Variants in BMPR1A observed in about 807,000 individuals in gnomAD.
The protein encoded by BMPR1A is bone morphogenetic protein receptor type 1A, also known as bone morphogenetic protein receptor type-1A.
BMPR1A carries 7 observed loss-of-function variants against 66.0 expected under a neutral mutation model. That is an observed-to-expected ratio of 0.11 (90% confidence interval 0.06 to 0.20). The LOEUF is 0.20. BMPR1A is among the 10% of genes least tolerant of loss of function. BMPR1A has a pLI of 1.00. For missense variants in BMPR1A, 408 were observed against 669.1 expected (o/e 0.61, Z 4.31); for synonymous variants, 200 against 229.7 (o/e 0.87, Z 1.17).
intron 1 of BMPR1A, among the ~76,000 whole-genome samples, chr10:86,801,777 A>T (rs763364097): frequency 6.6e-6 from 1 of 151,844 alleles, no homozygotes; most frequent in African/African-American, 2.4e-5. Context: ...GCAGTGGCGC[A>T]TGTTGGCTCA....
In BMPR1A at chr10:86,892,675, C is replaced by T. The variant is rs7072428; in HGVS notation, c.333+446C>T. 7.5e-3 allele frequency among the ~76,000 whole-genome samples: 1,133 copies of T among 152,034 alleles called. 12 individuals carry two copies. The highest frequency in any genetic ancestry group is 0.026 in the African/African-American group (1,072 of 41,458). ...AACTCCTGGGCTCAAGCAGTCTGCC[C>T]GCATCGGCCCGCAAAGTGCTGGGAT... On this transcript the variant is annotated intron_variant, in intron 5 of 12. Transcript: ENST00000372037.
At chr10:86,762,277 A>G (rs1212097571) in intron 1 of BMPR1A, among the ~76,000 whole-genome samples, 2 of 152,246 alleles carry the variant, frequency 1.3e-5, no homozygotes, top group Non-Finnish European at 2.9e-5. Flanking sequence ...TATAGGTTAT[A>G]GAATTACAGG....
rs76709753 is a variant in BMPR1A, at chr10:86,911,815, A to G, written c.531-425A>G. Among the ~76,000 whole-genome samples, 578 of 152,292 alleles carry G rather than the reference A, an allele frequency of 3.8e-3. 25 individuals are homozygous for G. The East Asian group carries it at 0.092, about 24-fold the overall frequency. ...CAGAAAAAAAAAAGCTGAACTGTGG[A>G]AAAAAATTCAATTTTGCTAGTAACC... On this transcript the variant is annotated intron_variant, in intron 7 of 12. Transcript: ENST00000372037.
chr10:86,790,113 GCC>G, intron 1 of BMPR1A, among the ~76,000 whole-genome samples: 1 of 68,890 alleles, frequency 1.5e-5, no homozygotes, highest in African/African-American at 3.5e-5. Flanking sequence ...CCGAGATCTT[GCC>G]ACTGCCACTG....
At chr10:86,929,605 G>A (rs372262059), downstream of BMPR1A, 10 of 152,158 alleles carry the variant, frequency 6.6e-5, no homozygotes, top group African/African-American at 2.2e-4. Flanking sequence ...GATTCCTCAC[G>A]GGAGTCTCTG....
chr10:86,790,843 CT>C (rs1326737219), intron 1 of BMPR1A, among the ~76,000 whole-genome samples: 1 of 152,134 alleles, frequency 6.6e-6, no homozygotes, highest in South Asian at 2.1e-4. Flanking sequence ...GAACTGCACA[CT>C]TTAAAAGAGT....
chr10:86,820,759 A>G (rs936853133), intron 1 of BMPR1A, among the ~76,000 whole-genome samples: 1 of 152,178 alleles, frequency 6.6e-6, no homozygotes, highest in Non-Finnish European at 1.5e-5. Flanking sequence ...CTTACTGGCC[A>G]CTGCCTGGTT....
In BMPR1A at chr10:86,925,970, A is replaced by G. The variant is rs112407896; in HGVS notation, c.*2251A>G. On this transcript the variant is annotated 3_prime_UTR_variant, in exon 13 of 13. Transcript: ENST00000372037. The stretch of plus-strand genomic sequence containing the variant: ...TCTCAATCTCCTGACCTCATGATCC[A>G]CCTGCCTCGGCCTCCCAAAGTTCAT... The G allele has an allele frequency of 4.7e-5, 8 of 169,430 alleles. No individual in the cohort carries two copies. The highest frequency in any genetic ancestry group is 1.2e-4 in the African/African-American group (5 of 41,958). The allele number at this position is 169,430 out of a possible 1,614,324, so 10.5% of individuals were successfully genotyped here.
chr10:86,898,692 A>G (rs1388314272), intron 5 of BMPR1A, among the ~76,000 whole-genome samples: 1 of 152,140 alleles, frequency 6.6e-6, no homozygotes, highest in Non-Finnish European at 1.5e-5. Context: ...TTTTCTTTGC[A>G]CTTTTCTCTT....
In BMPR1A at chr10:86,866,399, CTTTTTTTTTT is replaced by C. The variant is rs1048293127; in HGVS notation, c.-152-9450_-152-9441del. On this transcript the variant is annotated intron_variant, in intron 2 of 12. Transcript: ENST00000372037. ...TGTGTTAAGTTGGGCAAGTTTCTTTCTTTTTTTTTTTTTTTTTTTTTTTTTTTGAGATGGA... is the reference window on the plus strand; with the variant it reads ...TGTGTTAAGTTGGGCAAGTTTCTTTCTTTTTTTTTTTTTTTTTGAGATGGA... Among the ~76,000 whole-genome samples the C allele has an allele frequency of 1.4e-4, 10 of 69,476 alleles. 1 individual carries two copies. The highest frequency in any genetic ancestry group is 5.4e-4 in the South Asian group (1 of 1,844). 45.6% of individuals were successfully genotyped at this position (69,476 alleles called of 152,430 possible).
At chr10:86,779,905 C>CTTTGTT (rs1337937784) in intron 1 of BMPR1A, among the ~76,000 whole-genome samples, 2 of 151,978 alleles carry the variant, frequency 1.3e-5, no homozygotes, top group Non-Finnish European at 2.9e-5. Context: ...CTCTGCCCTT[C>CTTTGTT]TTTGTTTTTG....
chr10:86,888,921 G>T (rs1697688756), intron 3 of BMPR1A, among the ~76,000 whole-genome samples: 1 of 151,444 alleles, frequency 6.6e-6, no homozygotes, highest in Non-Finnish European at 1.5e-5. Flanking sequence ...ACCTGTGTGT[G>T]CATATGTGAT....
rs77064035 is a variant in BMPR1A at position 86,899,691 on chromosome 10, C to T, written c.334-103C>T. 2.6e-3 allele frequency: 3,101 copies of T among 1,189,628 alleles called. 69 individuals are homozygous for T. The African/African-American group carries it at 0.043, about 16-fold the overall frequency. 73.7% of individuals were successfully genotyped at this position (1,189,628 alleles called of 1,614,324 possible). A position where few individuals can be genotyped will look rare whatever the true frequency, so the allele number is the denominator to read the frequency against. On this transcript the variant is annotated intron_variant, in intron 5 of 12. Coordinates refer to ENST00000372037, the MANE Select transcript of BMPR1A (RefSeq NM_004329.3). ...TTTTTACATATAAAATTTGCAGGCC[C>T]CTTTCACTCACTGAAATAGAAATTG...
At chr10:86,831,042 A>G (rs898152426) in intron 1 of BMPR1A, among the ~76,000 whole-genome samples, 1 of 152,158 alleles carries the variant, frequency 6.6e-6, no homozygotes, top group Non-Finnish European at 1.5e-5. Flanking sequence ...TGTATCATGA[A>G]CCAGTTCTTT....
At chr10:86,880,395 A>G (rs1273972531) in intron 3 of BMPR1A, among the ~76,000 whole-genome samples, 1 of 152,168 alleles carries the variant, frequency 6.6e-6, no homozygotes, top group Non-Finnish European at 1.5e-5. Flanking sequence ...TGTAGCACTT[A>G]CCTATGAATA....
intron 2 of BMPR1A, among the ~76,000 whole-genome samples, chr10:86,848,077 G>A (rs766748212): frequency 1.3e-5 from 2 of 151,766 alleles, no homozygotes; most frequent in Non-Finnish European, 2.9e-5. Context: ...GACTACAGGC[G>A]CCTGCCACCA....
intron 1 of BMPR1A, among the ~76,000 whole-genome samples, chr10:86,821,499 T>A (rs1394028285): frequency 5.3e-5 from 8 of 152,232 alleles, no homozygotes; most frequent in East Asian, 1.9e-4. Flanking sequence ...AAATGTGGAT[T>A]TTTATTAGTA....
intron 3 of BMPR1A, among the ~76,000 whole-genome samples, chr10:86,879,640 A>G (rs965263937): frequency 1.3e-5 from 2 of 152,174 alleles, no homozygotes; most frequent in East Asian, 1.9e-4. Context: ...TTCCTTTTCA[A>G]AGGGTTCTAT....
rs1843763974 is a variant in BMPR1A at position 86,927,773 on chromosome 10, G to A, written c.*4054G>A. ...ACTGTACATAGGCATTGAAAGAAGG[G>A]TAAAAGCAAGCAGTTTTATCAGGCA... is the stretch of plus-strand genomic sequence containing the variant. On this transcript the variant is annotated 3_prime_UTR_variant, in exon 13 of 13. Coordinates refer to ENST00000372037, the MANE Select transcript of BMPR1A (RefSeq NM_004329.3). 1 of 198,498 alleles carries A rather than the reference G, an allele frequency of 5.0e-6. No individual in the cohort carries two copies. Among genetic ancestry groups the A allele is most frequent in the South Asian group, 1.9e-4 (1 of 5,242 alleles). 12.3% of individuals were successfully genotyped at this position (198,498 alleles called of 1,614,324 possible). A position where few individuals can be genotyped will look rare whatever the true frequency, so the allele number is the denominator to read the frequency against.
Sources: gnomAD v4.1 joint callset for allele counts (sites outside exome capture counted in the v4.1 genomes callset) on GRCh38, gnomAD v4.1.1 for gene constraint, MANE v1.5 for transcripts, NCBI Gene and HGNC (gene_info 2026-07-23, HGNC 2026-07-21) for gene names.